The following GREB1 variants were observed in gnomAD, a reference collection of about 807,000 sequenced individuals.
GREB1 encodes the protein growth regulating estrogen receptor binding 1.
Under a neutral mutation model 200.7 loss-of-function variants are expected in GREB1, and 106 were observed. The ratio of observed to expected loss-of-function variants is 0.53; its 90% confidence interval spans 0.45 to 0.62. The LOEUF is 0.62. Among genes scored for constraint, GREB1 ranks in the 20% least tolerant of loss-of-function variants. The pLI is 0.00. For missense variants in GREB1, 2,243 were observed against 2,556.8 expected (o/e 0.88, Z 2.65); for synonymous variants, 1,132 against 1,092.4 (o/e 1.04, Z -0.72).
In GREB1 at chr2:11,505,510, G is replaced by A. The variant is rs374448957; in HGVS notation, c.-159+23129G>A. 1.5e-4 allele frequency among the ~76,000 whole-genome samples: 23 copies of A among 152,174 alleles called. No homozygotes were observed. In the East Asian group the frequency reaches 4.4e-3, roughly 29 times the overall value. ...TTGTCCCACATCCTCAGGGATGTGA[G>A]GAATTCAATAATAATAAATCATTAA... On this transcript the variant is annotated intron_variant, in intron 1 of 2. Transcript: ENST00000628795.
At chr2:11,623,670 C>G (rs1230315103) in intron 23 of GREB1, among the ~76,000 whole-genome samples, 1 of 152,220 alleles carries the variant, frequency 6.6e-6, no homozygotes, top group Non-Finnish European at 1.5e-5. Context: ...GTGGGTGGAT[C>G]ATTTGAGGCC....
intron 1 of GREB1, among the ~76,000 whole-genome samples, chr2:11,538,113 A>T (rs777113485): frequency 3.9e-5 from 6 of 152,180 alleles, no homozygotes; most frequent in Non-Finnish European, 7.4e-5. Context: ...CCCTGGCACT[A>T]GGGATGCTTC....
At chr2:11,566,385 T>C in intron 3 of GREB1, 95 bp from the exon 4 acceptor site, 1 of 1,244,402 alleles carries the variant, frequency 8.0e-7, no homozygotes. Context: ...TAAGGGTTTC[T>C]CCTGAGCAGA....
chr2:11,615,363 C>A (rs1275844568), intron 20 of GREB1, 73 bp downstream of exon 20: 1 of 1,326,584 alleles, frequency 7.5e-7, no homozygotes, highest in African/African-American at 1.5e-5. Context: ...TTTGAGGCTG[C>A]CTGTGCTTAT....
upstream of GREB1, among the ~76,000 whole-genome samples, chr2:11,533,935 G>T (rs1199378459): frequency 6.6e-6 from 1 of 152,104 alleles, no homozygotes; most frequent in Non-Finnish European, 1.5e-5. Context: ...AAAAACCGCA[G>T]GGTTTATGAC....
chr2:11,615,426 CGG>C (rs1415125207), intron 20 of GREB1, 136 bp downstream of exon 20: 2 of 689,946 alleles, frequency 2.9e-6, no homozygotes, highest in East Asian at 5.5e-5. Context: ...TGCTGGACAG[CGG>C]CTCTGGATGA....
At chr2:11,610,311 A>G (rs944742639) in intron 17 of GREB1, among the ~76,000 whole-genome samples, 2 of 152,240 alleles carry the variant, frequency 1.3e-5, no homozygotes, top group African/African-American at 4.8e-5. Flanking sequence ...AGTAGGAACC[A>G]GAGGCAACTT....
In GREB1 at chr2:11,618,410, C is replaced by A. The variant is rs61741332; in HGVS notation, c.3535C>A (p.Pro1179Thr). 33,527 of 1,610,186 alleles carry A rather than the reference C, an allele frequency of 0.021. 416 individuals carry two copies. Among genetic ancestry groups the A allele is most frequent in the Non-Finnish European group, 0.024 (28,056 of 1,178,776 alleles). ...EGRAPGEKQR[P>T]RASQGPPSAI... ...CAGAGCCCCTGGTGAGAAACAGAGG[C>A]CCCGGGCAAGTCAGGGGCCACCCTC... The change falls in exon 22 of 33, where the codon CCC (proline) becomes ACC (threonine). Residue 1179 changes from proline (P) to threonine (T), a missense_variant. Physicochemically the swap from Pro to Thr is conservative, Grantham distance 38 (BLOSUM62 -1). This residue lies in a region of GREB1 where 587 missense variants were observed against 553.1 expected (regional missense o/e 1.06). Transcript: ENST00000381486.
intron 10 of GREB1, 25 bp downstream of exon 10, chr2:11,588,956 C>T: frequency 6.2e-7 from 1 of 1,602,572 alleles, no homozygotes; most frequent in Non-Finnish European, 8.5e-7. Context: ...CCTCCTGGCC[C>T]AGTGGCAGGG....
Position 11,618,502 on chromosome 2 carries a change from G to T in GREB1, c.3627G>T (p.Arg1209Ser). Residue 1209 changes from arginine (R) to serine (S), a missense_variant, in exon 22 of 33, where the codon AGG becomes AGT. Around this residue, in one of 3 missense-constraint regions of GREB1, gnomAD observed 587 missense variants for 553.1 expected, o/e 1.06. Transcript: ENST00000381486. ...QPDCSLRTGQRSVQVSVTSSC... is the reference protein window; with the variant it reads ...QPDCSLRTGQSSVQVSVTSSC... ...ACTGTAGCCTCAGGACCGGCCAGAG[G>T]AGCGTCCAGGTGTCGGTCACCTCGT... 6.2e-7 allele frequency: 1 copy of T among 1,611,084 alleles called. No homozygotes were observed. The highest frequency in any genetic ancestry group is 8.5e-7 in the Non-Finnish European group (1 of 1,179,336).
chr2:11,528,700 T>C (rs1386752053), intron 1 of GREB1, among the ~76,000 whole-genome samples: 1 of 152,236 alleles, frequency 6.6e-6, no homozygotes, highest in South Asian at 2.1e-4. Flanking sequence ...CAAGTCTGTA[T>C]TTCCTGGGCA....
rs754893434 is a variant in GREB1, at chr2:11,612,521, G to A, written c.3033G>A (p.Glu1011=). Residue 1011 remains glutamate, a synonymous_variant, in exon 19 of 33, where the codon GAG becomes GAA. Transcript: ENST00000381486. ...TGTGGCAGAAAATTGAGGATGTGGA[G>A]TGGAGACCCCAGACTTACTTGGAGC... The part of the protein sequence containing the change: ...LRMWQKIEDV[E]WRPQTYLELE... 1.9e-6 allele frequency: 3 copies of A among 1,612,446 alleles called. No homozygotes were observed. The highest frequency in any genetic ancestry group is 2.5e-6 in the Non-Finnish European group (3 of 1,179,020).
chr2:11,630,171 G>A, intron 26 of GREB1, 62 bp downstream of exon 26: 1 of 1,533,172 alleles, frequency 6.5e-7, no homozygotes, highest in South Asian at 1.2e-5. Flanking sequence ...CTGAGCCGGG[G>A]ACTAGAGACA....
intron 1 of GREB1, among the ~76,000 whole-genome samples, chr2:11,490,769 GA>G (rs35933662): frequency 0.43 from 66,027 of 151,976 alleles, 14,675 homozygotes; most frequent in Middle Eastern, 0.54. Flanking sequence ...GGCTGGTCTT[GA>G]ACTCCTGACC....
chr2:11,630,792 T>C (rs1343901281), intron 26 of GREB1, among the ~76,000 whole-genome samples: 1 of 152,184 alleles, frequency 6.6e-6, no homozygotes, highest in Non-Finnish European at 1.5e-5. Context: ...TCACCATTCT[T>C]ACAGAGATGC....
At chr2:11,522,018 G>C (rs1365055250) in intron 1 of GREB1, among the ~76,000 whole-genome samples, 5 of 152,200 alleles carry the variant, frequency 3.3e-5, no homozygotes, top group Non-Finnish European at 7.3e-5. Context: ...ATACGGAGTT[G>C]TCTGCAGGAA....
At chr2:11,625,346 A>G in intron 24 of GREB1, 34 bp downstream of exon 24, 1 of 1,602,858 alleles carries the variant, frequency 6.2e-7, no homozygotes. Flanking sequence ...CACCTTCCAG[A>G]GTGCATGGGC....
chr2:11,507,059 A>C (rs148469730), intron 1 of GREB1, among the ~76,000 whole-genome samples: 3 of 152,252 alleles, frequency 2.0e-5, no homozygotes, highest in Non-Finnish European at 2.9e-5. Context: ...CCTTCTCTAT[A>C]TACCAGTTTT....
chr2:11,547,947 C>T (rs576943532), intron 1 of GREB1, among the ~76,000 whole-genome samples: 2 of 152,138 alleles, frequency 1.3e-5, no homozygotes, highest in African/African-American at 2.4e-5. Context: ...TTTGGGAGGC[C>T]GAGGCGGTAG....
Sources: allele counts gnomAD v4.1 joint callset (sites outside exome capture counted in the v4.1 genomes callset), GRCh38; gene constraint gnomAD v4.1.1; regional missense constraint gnomAD v4.1.1; transcripts MANE v1.5; gene names NCBI Gene and HGNC (gene_info 2026-07-23, HGNC 2026-07-21).